ANPEP: variants seen among roughly 807,000 people sequenced by gnomAD.
The protein encoded by ANPEP is aminopeptidase N.
A neutral mutation model predicts 114.6 loss-of-function variants in ANPEP; 70 were observed. The ratio of observed to expected loss-of-function variants is 0.61; its 90% confidence interval spans 0.50 to 0.75. The LOEUF (loss-of-function observed/expected upper bound fraction) is 0.75. Among genes scored for constraint, ANPEP ranks in the 30% least tolerant of loss-of-function variants. The pLI, the probability that ANPEP is intolerant of heterozygous loss-of-function variation, is 0.00. For missense variants in ANPEP, 1,184 were observed against 1,259.5 expected (o/e 0.94, Z 0.91); for synonymous variants, 548 against 522.3 (o/e 1.05, Z -0.67).
intron 1 of ANPEP, among the ~76,000 whole-genome samples, chr15:89,812,106 C>A (rs185621073): frequency 6.6e-6 from 1 of 152,332 alleles, no homozygotes; most frequent in East Asian, 1.9e-4. Context: ...GTGCAAGAGG[C>A]TTTCTACTCT....
intron 1 of ANPEP, among the ~76,000 whole-genome samples, chr15:89,812,159 G>A (rs1057086567): frequency 1.4e-5 from 2 of 147,676 alleles, no homozygotes; most frequent in African/African-American, 2.7e-5. Context: ...GTGGCCGGGA[G>A]AGCTGAGCAC....
chr15:89,814,148 A>C (rs1307543461), intron 1 of ANPEP, among the ~76,000 whole-genome samples: 2 of 152,188 alleles, frequency 1.3e-5, no homozygotes, highest in Non-Finnish European at 2.9e-5. Flanking sequence ...ACAACCCCCA[A>C]ACCTCGGTCC....
At chr15:89,792,025 T>A in intron 18 of ANPEP, 135 bp downstream of exon 18, 1 of 1,063,022 alleles carries the variant, frequency 9.4e-7, no homozygotes, top group South Asian at 1.6e-5. Context: ...CTGCACCGGT[T>A]ACTTTGGAAA....
At chr15:89,787,370 T>C (rs1968527368) in intron 20 of ANPEP, among the ~76,000 whole-genome samples, 1 of 152,180 alleles carries the variant, frequency 6.6e-6, no homozygotes, top group African/African-American at 2.4e-5. Context: ...AAAAACATCG[T>C]CAGGTCTTTT....
intron 11 of ANPEP, 122 bp from the exon 12 acceptor site, chr15:89,801,309 C>G: frequency 6.5e-7 from 1 of 1,544,570 alleles, no homozygotes; most frequent in Non-Finnish European, 8.9e-7. Flanking sequence ...ACTCCTGGCT[C>G]TGGAGGGAGG....
chr15:89,811,659 A>G (rs1894818570), intron 1 of ANPEP, among the ~76,000 whole-genome samples: 1 of 151,662 alleles, frequency 6.6e-6, no homozygotes, highest in African/African-American at 2.4e-5. Flanking sequence ...TAAAAAAAAA[A>G]AAAAAAAGAA....
intron 20 of ANPEP, among the ~76,000 whole-genome samples, chr15:89,785,869 T>C (rs1055792537): frequency 6.7e-6 from 1 of 149,978 alleles, no homozygotes; most frequent in Non-Finnish European, 1.5e-5. Context: ...TAAATGGGTT[T>C]AAAAAAAAAA....
At position 89,803,535 on chromosome 15, in the gene ANPEP, A is replaced by T. The variant is rs1449257474; in HGVS notation, c.1438-28T>A. 1.2e-6 allele frequency: 2 copies of T among 1,605,770 alleles called. No individual in the cohort carries two copies. The highest frequency in any genetic ancestry group is 2.2e-5 in the South Asian group (2 of 90,762). On this transcript the variant is annotated intron_variant, in intron 8 of 20. Coordinates refer to ENST00000300060, the MANE Select transcript of ANPEP (RefSeq NM_001150.3). This position sits in a 1 kb window ranked among gnomAD's most constrained non-coding sequence, Gnocchi z 4.2. Reference sequence around the variant, plus strand: ...GGGGTGGGGGTGAGGGGGCGCTCAGAAGGCTGTGCAGAGCCACCAGGACCC... The same window carrying T: ...GGGGTGGGGGTGAGGGGGCGCTCAGTAGGCTGTGCAGAGCCACCAGGACCC...
intron 12 of ANPEP, among the ~76,000 whole-genome samples, chr15:89,800,556 CTTTTTTT>C (rs759889538): frequency 8.0e-6 from 1 of 124,376 alleles, no homozygotes; most frequent in African/African-American, 3.2e-5. Context: ...GGATTCTCTC[CTTTTTTT>C]TTTTTTTTTT....
At position 89,803,590 on chromosome 15, in the gene ANPEP, C is replaced by A. The variant is rs1894641208; in HGVS notation, c.1437+57G>T. 1 of 1,600,786 alleles carries A rather than the reference C, an allele frequency of 6.2e-7. No individual in the cohort carries two copies. Among genetic ancestry groups the A allele is most frequent in the Admixed American group, 1.7e-5 (1 of 59,796 alleles). On this transcript the variant is annotated intron_variant, in intron 8 of 20. Coordinates refer to ENST00000300060, the MANE Select transcript of ANPEP (RefSeq NM_001150.3). This position sits in a 1 kb window ranked among gnomAD's most constrained non-coding sequence, Gnocchi z 4.2. ...CCCCCAGACCCTGCCTTCAGTGAGG[C>A]CCCTCCAGGCCAAGTCCCCACCTCC...
chr15:89,812,366 G>C (rs369141134), intron 1 of ANPEP, among the ~76,000 whole-genome samples: 2 of 152,228 alleles, frequency 1.3e-5, no homozygotes, highest in African/African-American at 4.8e-5. Context: ...GCCTGGGCCA[G>C]GGCACACTCT....
chr15:89,801,111 C>T lies in ANPEP; in HGVS notation c.1819G>A (p.Ala607Thr). Residue 607 changes from alanine (A) to threonine (T), a missense_variant and splice_region_variant, in exon 12 of 21, where the codon GCC (alanine) becomes ACC (threonine). Coordinates refer to ENST00000300060, the MANE Select transcript of ANPEP (RefSeq NM_001150.3). ...QQDYWLIDVR[A>T]QNDLFSTSGN... ...TGCCCATAAGGCAGGGCTGGATTAC[C>T]TCTTACATCTATCAGCCAGTAGTCC... The T allele has an allele frequency of 6.2e-7, 1 of 1,614,020 alleles. No homozygotes were observed. The highest frequency in any genetic ancestry group is 2.2e-5 in the East Asian group (1 of 44,878).
chr15:89,807,480 C>T (rs1250505598), intron 1 of ANPEP, among the ~76,000 whole-genome samples: 1 of 152,082 alleles, frequency 6.6e-6, no homozygotes, highest in African/African-American at 2.4e-5. Flanking sequence ...GTGGGTGGAT[C>T]ACGAGGTTAG....
intron 15 of ANPEP, among the ~76,000 whole-genome samples, chr15:89,794,351 G>A (rs968900391): frequency 6.6e-6 from 1 of 152,148 alleles, no homozygotes; most frequent in African/African-American, 2.4e-5. Flanking sequence ...AGGCATGGTG[G>A]CAGGCGCCTG....
intron 1 of ANPEP, among the ~76,000 whole-genome samples, chr15:89,808,744 G>A (rs1474295766): frequency 2.0e-5 from 3 of 152,150 alleles, no homozygotes; most frequent in Non-Finnish European, 2.9e-5. Context: ...GCTCCCTGAG[G>A]GCCTCACTCG....
At chr15:89,804,172 C>A in intron 6 of ANPEP, 81 bp downstream of exon 6, 1 of 1,591,792 alleles carries the variant, frequency 6.3e-7, no homozygotes, top group Non-Finnish European at 8.6e-7. Flanking sequence ...TTCTCAGCAG[C>A]CCGGGGCAGA....
intron 15 of ANPEP, 165 bp downstream of exon 15, chr15:89,797,410 G>A: frequency 9.5e-7 from 1 of 1,057,238 alleles, no homozygotes; most frequent in Non-Finnish European, 1.3e-6. Flanking sequence ...GTGCTCTCAG[G>A]AGAGAACCTG....
intron 16 of ANPEP, 70 bp from the exon 17 acceptor site, chr15:89,792,632 AC>A: frequency 7.3e-7 from 1 of 1,373,556 alleles, no homozygotes; most frequent in African/African-American, 1.4e-5. Flanking sequence ...TTGACACACA[AC>A]CCCAGGCCGG....
chr15:89,790,893 C>T lies in ANPEP; in HGVS notation c.2669+60G>A, dbSNP rs1174693201. ...CCCGGCGTGTCTTACCCGCACAGGC[C>T]ACCCCCCGGGGCCCCAGCCTCGGCG... On this transcript the variant is annotated intron_variant, in intron 19 of 20. Transcript: ENST00000300060. The T allele has an allele frequency of 1.4e-5, 22 of 1,589,912 alleles. No individual in the cohort carries two copies. In the East Asian group the frequency reaches 4.9e-4, roughly 36 times the overall value.
Sources: gnomAD v4.1 joint callset for allele counts (sites outside exome capture counted in the v4.1 genomes callset) on GRCh38, gnomAD v4.1.1 for gene constraint, Gnocchi (gnomAD v3.1) non-coding constraint, MANE v1.5 for transcripts, NCBI Gene and HGNC (gene_info 2026-07-23, HGNC 2026-07-21) for gene names.